Variants in LAMA3 observed in about 807,000 individuals in gnomAD.
LAMA3 encodes laminin subunit alpha 3.
In LAMA3, 281 loss-of-function variants were observed where a neutral mutation model predicts 402.0. The ratio of observed to expected loss-of-function variants is 0.70; its 90% CI spans 0.63 to 0.77. The LOEUF (loss-of-function observed/expected upper bound fraction) is 0.77, where lower values mean the gene tolerates loss of function less well. LAMA3 is among the 30% of genes least tolerant of loss of function. The pLI is 0.00. For missense variants in LAMA3, 3,840 were observed against 4,215.5 expected (o/e 0.91, Z 2.47); for synonymous variants, 1,431 against 1,558.4 (o/e 0.92, Z 1.93).
Position 23,921,041 on chromosome 18 carries a change from G to T in LAMA3, c.8030G>T (p.Gly2677Val), listed in dbSNP as rs569844252. Residue 2677 changes from glycine to valine, a missense_variant, in exon 61 of 75, where the codon GGC (glycine) becomes GTC (valine). Physicochemically the swap from Gly to Val is moderately radical, Grantham distance 109. Around this residue, in one of 3 missense-constraint regions of LAMA3, gnomAD observed 840 missense variants for 981.9 expected, o/e 0.86. Transcript: ENST00000313654. ...ERGVGDAINN[G>V]RDHSIQIKIG... ...GGAGTTGGAGACGCCATAAACAACG[G>T]CAGAGACCATTCGGTACACCTTTTG... 2 of 1,613,996 alleles carry T rather than the reference G, an allele frequency of 1.2e-6. No homozygotes were observed. Among genetic ancestry groups the T allele is most frequent in the East Asian group, 2.2e-5 (1 of 44,888 alleles).
chr18:23,837,129 T>C (rs768759934), intron 25 of LAMA3, 40 bp downstream of exon 25: 1 of 1,352,292 alleles, frequency 7.4e-7, no homozygotes, highest in East Asian at 2.3e-5. Context: ...AGAAGCATTT[T>C]GCTGATATCT....
chr18:23,905,403 C>T (rs2081208916), intron 51 of LAMA3, 119 bp from the exon 52 acceptor site: 4 of 671,558 alleles, frequency 6.0e-6, no homozygotes, highest in East Asian at 2.9e-5. Flanking sequence ...CTAGTTATAA[C>T]TCCTTCCCCC....
chr18:23,927,110 A>G (rs1175786064), intron 62 of LAMA3, among the ~76,000 whole-genome samples: 1 of 152,218 alleles, frequency 6.6e-6, no homozygotes, highest in Non-Finnish European at 1.5e-5. Flanking sequence ...CCTGCTGAGC[A>G]TTCACGTCCA....
chr18:23,901,212 A>G lies in LAMA3; in HGVS notation c.6090A>G (p.Glu2030=), dbSNP rs778837277. ...LANSIRDSLN[E]YEAKLSDLRA... is the part of the protein sequence containing the mutation. Reference sequence around the variant, plus strand: ...ACAGTATCCGGGATTCTTTAAATGAATACGAAGCCAAACTCAGTGACCTTC... The same window carrying G: ...ACAGTATCCGGGATTCTTTAAATGAGTACGAAGCCAAACTCAGTGACCTTC... Residue 2030 remains glutamate (E), a synonymous_variant, in exon 48 of 75, where the codon GAA becomes GAG. Coordinates refer to ENST00000313654, the MANE Select transcript of LAMA3 (RefSeq NM_198129.4). 5 of 1,614,206 alleles carry G rather than the reference A, an allele frequency of 3.1e-6. No individual in the cohort carries two copies. In the Admixed American group the frequency reaches 8.3e-5, roughly 27 times the overall value.
intron 48 of LAMA3, 147 bp from the exon 49 acceptor site, chr18:23,902,862 T>C: frequency 1.5e-6 from 1 of 667,856 alleles, no homozygotes; most frequent in South Asian, 1.7e-5. Context: ...ACTGATTTCC[T>C]ATCACTTTGT....
At chr18:23,826,555 G>T in intron 21 of LAMA3, 147 bp from the exon 22 acceptor site, 1 of 692,678 alleles carries the variant, frequency 1.4e-6, no homozygotes, top group Non-Finnish European at 2.6e-6. Flanking sequence ...GGTGAGTCGG[G>T]ATGAAGAACA....
intron 67 of LAMA3, among the ~76,000 whole-genome samples, chr18:23,935,274 C>T (rs1278181468): frequency 4.6e-5 from 7 of 152,096 alleles, no homozygotes; most frequent in African/African-American, 1.2e-4. Flanking sequence ...GAGAAGGACA[C>T]GTATTTGGAG....
chr18:23,931,113 A>G lies in LAMA3; in HGVS notation c.8488A>G (p.Ser2830Gly). ...AGATGGTTACATTGAATTGAGCACCAGCGATAGCGGCGGCCCAATTTTTAA... is the reference window on the plus strand; with the variant it reads ...AGATGGTTACATTGAATTGAGCACCGGCGATAGCGGCGGCCCAATTTTTAA... The part of the protein sequence containing the change: ...LEDGYIELST[S>G]DSGGPIFKSP... Residue 2830 changes from serine (S) to glycine (G), a missense_variant, in exon 65 of 75, where the codon AGC becomes GGC. Around this residue, in one of 3 missense-constraint regions of LAMA3, gnomAD observed 840 missense variants for 981.9 expected, o/e 0.86. Transcript: ENST00000313654. 6.2e-7 allele frequency: 1 copy of G among 1,613,374 alleles called. No individual in the cohort carries two copies. The highest frequency in any genetic ancestry group is 8.5e-7 in the Non-Finnish European group (1 of 1,179,254).
intron 5 of LAMA3, among the ~76,000 whole-genome samples, chr18:23,752,944 C>T (rs1863884386): frequency 6.6e-6 from 1 of 152,252 alleles, no homozygotes; most frequent in African/African-American, 2.4e-5. Context: ...CCTCACATTC[C>T]TCCCAAATCC....
In LAMA3 at chr18:23,837,089, G is replaced by C; in HGVS notation, c.3093G>C (p.Leu1031=). The C allele has an allele frequency of 6.3e-7, 1 of 1,594,976 alleles. No individual in the cohort carries two copies. The highest frequency in any genetic ancestry group is 8.6e-7 in the Non-Finnish European group (1 of 1,162,892). Residue 1031 remains leucine, a splice_region_variant and synonymous_variant, in exon 25 of 75, where the codon CTG becomes CTC. Coordinates refer to ENST00000313654, the MANE Select transcript of LAMA3 (RefSeq NM_198129.4). Reference sequence around the variant, plus strand: ...AGGGACACATGGCCCGATTCCTTCTGGTATGCTTCTGTTTTGCCCATTGAA... The same window carrying C: ...AGGGACACATGGCCCGATTCCTTCTCGTATGCTTCTGTTTTGCCCATTGAA... ...QLKGHMARFL[L]HQVCIIPIEE... is the part of the protein sequence containing the mutation.
intron 13 of LAMA3, among the ~76,000 whole-genome samples, chr18:23,812,084 A>G (rs1352240652): frequency 6.6e-6 from 1 of 151,998 alleles, no homozygotes; most frequent in Non-Finnish European, 1.5e-5. Flanking sequence ...CATGTCAGCC[A>G]GGATGATCTT....
chr18:23,734,882 C>A (rs575792389), intron 2 of LAMA3, among the ~76,000 whole-genome samples: 1 of 152,306 alleles, frequency 6.6e-6, no homozygotes, highest in Admixed American at 6.5e-5. Flanking sequence ...GGACGGCCAG[C>A]AGGAGCAGGA....
At chr18:23,827,946 A>AC (rs781428714) in intron 23 of LAMA3, among the ~76,000 whole-genome samples, 4 of 152,122 alleles carry the variant, frequency 2.6e-5, no homozygotes, top group Non-Finnish European at 4.4e-5. Flanking sequence ...CCTGGCACCT[A>AC]CCTCATGGCT....
intron 29 of LAMA3, among the ~76,000 whole-genome samples, chr18:23,843,157 C>T (rs149518925): frequency 6.6e-6 from 1 of 152,254 alleles, no homozygotes; most frequent in Non-Finnish European, 1.5e-5. Context: ...ACACCGAGCC[C>T]CTCATTGTGT....
At position 23,754,652 on chromosome 18, in the gene LAMA3, C is replaced by T. The variant is rs181409466; in HGVS notation, c.947+840C>T. On this transcript the variant is annotated intron_variant, in intron 6 of 74. Coordinates refer to ENST00000313654, the MANE Select transcript of LAMA3 (RefSeq NM_198129.4). ...AGGCTGCTGTGAACATGAATGTACCCTTTTTGTTTTTAGTTTGAGTATATT... is the reference window on the plus strand; with the variant it reads ...AGGCTGCTGTGAACATGAATGTACCTTTTTTGTTTTTAGTTTGAGTATATT... 7.2e-5 allele frequency among the ~76,000 whole-genome samples: 11 copies of T among 152,200 alleles called. No homozygotes were observed. In the East Asian group the frequency reaches 2.1e-3, roughly 29 times the overall value.
Position 23,820,880 on chromosome 18 carries a change from A to G in LAMA3, c.2304+883A>G, listed in dbSNP as rs377727536. Among the ~76,000 whole-genome samples, 9 of 152,028 alleles carry G rather than the reference A, an allele frequency of 5.9e-5. No homozygotes were observed. In the East Asian group the frequency reaches 1.7e-3, roughly 29 times the overall value. ...CAGTACTCTCAGACCCCTTCCCCTC[A>G]TTGATTCTAATGCTGTTTTTTACCT... On this transcript the variant is annotated intron_variant, in intron 19 of 74. Coordinates refer to ENST00000313654, the MANE Select transcript of LAMA3 (RefSeq NM_198129.4).
chr18:23,691,039 T>A (rs1236081218), intron 1 of LAMA3, among the ~76,000 whole-genome samples: 1 of 152,048 alleles, frequency 6.6e-6, no homozygotes, highest in African/African-American at 2.4e-5. Context: ...CAGTCCTGAC[T>A]TCAAATCCTG....
chr18:23,824,601 ATTC>A (rs780275808), intron 21 of LAMA3, 36 bp downstream of exon 21: 16 of 1,610,982 alleles, frequency 9.9e-6, no homozygotes, highest in Non-Finnish European at 5.1e-6. Flanking sequence ...CTCCTGCGGG[ATTC>A]TTCCTACCTC....
At chr18:23,849,585 A>C (rs1468749082) in intron 32 of LAMA3, among the ~76,000 whole-genome samples, 1 of 152,216 alleles carries the variant, frequency 6.6e-6, no homozygotes, top group African/African-American at 2.4e-5. Flanking sequence ...AAAATGTTTT[A>C]ATCTTGTTAA....
Sources: gnomAD v4.1 joint callset for allele counts (sites outside exome capture counted in the v4.1 genomes callset) on GRCh38, gnomAD v4.1.1 for gene constraint, gnomAD v4.1.1 regional missense constraint, MANE v1.5 for transcripts, NCBI Gene and HGNC (gene_info 2026-07-23, HGNC 2026-07-21) for gene names.